Variants in NOB1 observed in about 807,000 individuals in gnomAD.
The protein encoded by NOB1 is RNA-binding protein NOB1.
A neutral mutation model predicts 44.8 loss-of-function variants in NOB1; 44 were observed. The observed-to-expected ratio is 0.98, with a 90% CI of 0.77 to 1.26. The LOEUF is 1.26. NOB1 is among the 50% of genes most tolerant of loss of function. NOB1 has a pLI of 0.00. For missense variants in NOB1, 560 were observed against 544.8 expected (o/e 1.03, Z -0.28); for synonymous variants, 238 against 218.7 (o/e 1.09, Z -0.78).
intron 7 of NOB1, among the ~76,000 whole-genome samples, chr16:69,745,284 C>A (rs2038421259): frequency 6.6e-6 from 1 of 152,194 alleles, no homozygotes; most frequent in South Asian, 2.1e-4. Context: ...TTCCTACACA[C>A]CGCCAGGCCC....
Position 69,752,172 on chromosome 16 carries a change from CCTT to C in NOB1, c.327+66_327+68del. On this transcript the variant is annotated intron_variant, in intron 3 of 8. Transcript: ENST00000268802. The stretch of plus-strand genomic sequence containing the variant: ...GGAACCCTGGGTCCATTACACTAGT[CCTT>C]CTACTTTTGTATACCTGACAGTTCC... 6.1e-6 allele frequency: 9 copies of C among 1,479,074 alleles called. No individual in the cohort carries two copies. In the South Asian group the frequency reaches 9.1e-5, roughly 15 times the overall value. The allele number at this position is 1,479,074 out of a possible 1,614,324, so 91.6% of individuals were successfully genotyped here.
chr16:69,743,365 T>A (rs979085125), intron 8 of NOB1, among the ~76,000 whole-genome samples: 2 of 152,226 alleles, frequency 1.3e-5, no homozygotes, highest in African/African-American at 4.8e-5. Flanking sequence ...CAACGAGAAA[T>A]AATATATACA....
rs1290543750 is a variant in NOB1 at position 69,742,429 on chromosome 16, C to A, written c.1142G>T (p.Arg381Leu). ...SPFVENDISS[R>L]SATLQVRDST... Reference sequence around the variant, plus strand: ...GTCCCGGACCTGCAGGGTAGCTGAGCGGCTGGAGATGTCATTCTCGACAAA... The same window carrying A: ...GTCCCGGACCTGCAGGGTAGCTGAGAGGCTGGAGATGTCATTCTCGACAAA... The change falls in exon 9 of 9, where the codon CGC (arginine) becomes CTC (leucine). Residue 381 changes from arginine to leucine, a missense_variant. Arg to Leu is a moderately radical substitution (Grantham distance 102). Coordinates refer to ENST00000268802, the MANE Select transcript of NOB1 (RefSeq NM_014062.3). 6.2e-7 allele frequency: 1 copy of A among 1,614,212 alleles called. No individual in the cohort carries two copies.
At chr16:69,750,341 T>C in intron 3 of NOB1, among the ~76,000 whole-genome samples, 1 of 151,582 alleles carries the variant, frequency 6.6e-6, no homozygotes, top group East Asian at 1.9e-4. Flanking sequence ...AGAATAAAAA[T>C]AAAAAAATAG....
In NOB1 at chr16:69,744,977, C is replaced by T; in HGVS notation, c.865G>A (p.Gly289Arg). ...DMSRVFCSHC[G>R]NKTLKKVSVT... The stretch of plus-strand genomic sequence containing the variant: ...GACACTTTCTTCAGGGTCTTGTTCC[C>T]ACAGTGTGAGCAGAACACTCGGCTC... The change falls in exon 8 of 9, where the codon GGG (glycine) becomes AGG (arginine). Residue 289 changes from glycine to arginine, a missense_variant. Coordinates refer to ENST00000268802, the MANE Select transcript of NOB1 (RefSeq NM_014062.3). The T allele has an allele frequency of 3.1e-6, 5 of 1,614,118 alleles. No individual in the cohort carries two copies. The highest frequency in any genetic ancestry group is 4.2e-6 in the Non-Finnish European group (5 of 1,180,026).
Position 69,754,638 on chromosome 16 carries a change from T to C in NOB1, c.152A>G (p.Tyr51Cys), listed in dbSNP as rs1425224816. The C allele has an allele frequency of 1.7e-5, 27 of 1,614,058 alleles. No homozygotes were observed. Among genetic ancestry groups the C allele is most frequent in the African/African-American group, 5.3e-5 (4 of 74,928 alleles). ...ATRRRLAVLPYELRFKEPLPE... is the reference protein window; with the variant it reads ...ATRRRLAVLPCELRFKEPLPE... Reference sequence around the variant, plus strand: ...TAAGGGCTCCTTGAACCGCAGCTCGTAGGGCAGGACAGCGAGCCGCCTGCG... The same window carrying C: ...TAAGGGCTCCTTGAACCGCAGCTCGCAGGGCAGGACAGCGAGCCGCCTGCG... Residue 51 changes from tyrosine (Y) to cysteine (C), a missense_variant, in exon 2 of 9, where the codon TAC becomes TGC. Tyr to Cys is a radical substitution (Grantham distance 194). Coordinates refer to ENST00000268802, the MANE Select transcript of NOB1 (RefSeq NM_014062.3).
chr16:69,742,653 C>G, intron 8 of NOB1, 52 bp from the exon 9 acceptor site: 1 of 1,589,574 alleles, frequency 6.3e-7, no homozygotes, highest in Non-Finnish European at 8.6e-7. Context: ...CACAGTCACA[C>G]AAGGCCATGG....
Position 69,754,781 on chromosome 16 carries a change from G to C in NOB1, c.64-55C>G, listed in dbSNP as rs538704180. On this transcript the variant is annotated intron_variant, in intron 1 of 8. Coordinates refer to ENST00000268802, the MANE Select transcript of NOB1 (RefSeq NM_014062.3). Reference sequence around the variant, plus strand: ...ACCCGCACCAAGCAACGCTCCGCGCGACTCCACGCACTCCGGGAGGGGCGG... The same window carrying C: ...ACCCGCACCAAGCAACGCTCCGCGCCACTCCACGCACTCCGGGAGGGGCGG... 8 of 1,612,354 alleles carry C rather than the reference G, an allele frequency of 5.0e-6. No individual in the cohort carries two copies. In the African/African-American group the frequency reaches 8.0e-5, roughly 16 times the overall value.
chr16:69,744,908 G>A lies in NOB1; in HGVS notation c.934C>T (p.Arg312Cys), dbSNP rs1382174482. ...DDGTLHMHFSRNPKVLNPRGL... is the reference protein window; with the variant it reads ...DDGTLHMHFSCNPKVLNPRGL... ...CGGGGGTTCAGCACCTTGGGGTTGC[G>A]GGAGAAGTGCATGTGCAGGGTGCCG... Residue 312 changes from arginine (R) to cysteine (C), a missense_variant, in exon 8 of 9, where the codon CGC (arginine) becomes TGC (cysteine). Physicochemically the swap from Arg to Cys is radical, Grantham distance 180. Coordinates refer to ENST00000268802, the MANE Select transcript of NOB1 (RefSeq NM_014062.3). 1.2e-5 allele frequency: 20 copies of A among 1,613,858 alleles called. No homozygotes were observed. The highest frequency in any genetic ancestry group is 6.6e-5 in the South Asian group (6 of 91,062).
In NOB1 at chr16:69,748,978, C is replaced by T; in HGVS notation, c.666G>A (p.Glu222=). ...SNIKQIQQEL[E]QCDVPEDVRV... ...GCACGTCCTCGGGGACGTCACACTG[C>T]TCCAGCTCCTGCTGGATCTGCTTGA... is the stretch of plus-strand genomic sequence containing the variant. Residue 222 remains glutamate (E), a synonymous_variant, in exon 6 of 9, where the codon GAG becomes GAA. Transcript: ENST00000268802. 1 of 1,614,202 alleles carries T rather than the reference C, an allele frequency of 6.2e-7. No individual in the cohort carries two copies. The highest frequency in any genetic ancestry group is 1.1e-5 in the South Asian group (1 of 91,080).
chr16:69,748,986 C>G lies in NOB1; in HGVS notation c.658G>C (p.Glu220Gln). 6.2e-7 allele frequency: 1 copy of G among 1,614,210 alleles called. No individual in the cohort carries two copies. The highest frequency in any genetic ancestry group is 1.1e-5 in the South Asian group (1 of 91,068). ...TCGGGGACGTCACACTGCTCCAGCT[C>G]CTGCTGGATCTGCTTGATGTTACTG... ...TPSNIKQIQQ[E>Q]LEQCDVPEDV... Residue 220 changes from glutamate (E) to glutamine (Q), a missense_variant, in exon 6 of 9, where the codon GAG becomes CAG. Coordinates refer to ENST00000268802, the MANE Select transcript of NOB1 (RefSeq NM_014062.3).
At chr16:69,752,808 G>T (rs1182644766) in intron 2 of NOB1, among the ~76,000 whole-genome samples, 1 of 152,044 alleles carries the variant, frequency 6.6e-6, no homozygotes, top group Non-Finnish European at 1.5e-5. Flanking sequence ...TAGCGGGGGG[G>T]CCTGTAATCC....
chr16:69,745,117 G>A (rs150071980), intron 7 of NOB1, 100 bp from the exon 8 acceptor site: 3 of 1,286,992 alleles, frequency 2.3e-6, no homozygotes, highest in East Asian at 4.7e-5. Context: ...AAGAAACAGG[G>A]AAGGGCTGAA....
chr16:69,745,029 A>G lies in NOB1; in HGVS notation c.825-12T>C. On this transcript the variant is annotated splice_polypyrimidine_tract_variant and intron_variant, in intron 7 of 8. Coordinates refer to ENST00000268802, the MANE Select transcript of NOB1 (RefSeq NM_014062.3). ...TGTCAGACGTTGTCCTGGGAGACAC[A>G]AAAGGAGATGATCTGTACCAAAGCC... The G allele has an allele frequency of 1.2e-6, 2 of 1,613,924 alleles. No homozygotes were observed. Among genetic ancestry groups the G allele is most frequent in the South Asian group, 2.2e-5 (2 of 91,072 alleles).
In NOB1 at chr16:69,749,340, T is replaced by A; in HGVS notation, c.400-2A>T. 1 of 1,582,298 alleles carries A rather than the reference T, an allele frequency of 6.3e-7. No homozygotes were observed. ...TTCTGTTTCTTGTGGGGGTTTAGGC[T>A]GAAATTAAAAGAAACAATTTTAAAA... is the stretch of plus-strand genomic sequence containing the variant. On this transcript the variant is annotated splice_acceptor_variant, in intron 4 of 8. Transcript: ENST00000268802. LOFTEE classifies it high-confidence loss of function.
At chr16:69,752,477 G>C (rs2038491102) in intron 2 of NOB1, 106 bp from the exon 3 acceptor site, 1 of 1,144,748 alleles carries the variant, frequency 8.7e-7, no homozygotes, top group South Asian at 1.5e-5. Flanking sequence ...AATAATGGAA[G>C]TATCAAAACA....
At chr16:69,753,157 G>C (rs1316870450) in intron 2 of NOB1, among the ~76,000 whole-genome samples, 2 of 152,204 alleles carry the variant, frequency 1.3e-5, no homozygotes, top group African/African-American at 2.4e-5. Flanking sequence ...AGGAGGTGGA[G>C]GCTGCAGTGA....
Position 69,742,526 on chromosome 16 carries a change from G to C in NOB1, c.1045C>G (p.Leu349Val). ...HLTEDQRFPQ[L>V]RLSQKARQKT... ...TGCCTGGCCTTTTGGGAGAGTCGCA[G>C]CTGAGGGAAGCGCTGATCCTCGGTG... is the stretch of plus-strand genomic sequence containing the variant. The change falls in exon 9 of 9, where the codon CTG becomes GTG. Residue 349 changes from leucine (L) to valine (V), a missense_variant. Leu to Val is a conservative substitution (Grantham distance 32). Coordinates refer to ENST00000268802, the MANE Select transcript of NOB1 (RefSeq NM_014062.3). 6.2e-7 allele frequency: 1 copy of C among 1,614,208 alleles called. No individual in the cohort carries two copies. The highest frequency in any genetic ancestry group is 8.5e-7 in the Non-Finnish European group (1 of 1,180,036).
intron 8 of NOB1, 68 bp from the exon 9 acceptor site, chr16:69,742,669 A>G (rs890451592): frequency 6.6e-6 from 10 of 1,525,758 alleles, no homozygotes; most frequent in Admixed American, 3.4e-5. Flanking sequence ...CATGGCTGGT[A>G]AGGTGCAGCC....
Sources: gnomAD v4.1 joint callset for allele counts (sites outside exome capture counted in the v4.1 genomes callset) on GRCh38, gnomAD v4.1.1 for gene constraint, MANE v1.5 for transcripts, NCBI Gene and HGNC (gene_info 2026-07-23, HGNC 2026-07-21) for gene names.